USP10: variants seen among roughly 807,000 people sequenced by gnomAD.
The protein encoded by USP10 is ubiquitin carboxyl-terminal hydrolase 10.
In USP10, 22 loss-of-function variants were observed where a neutral mutation model predicts 84.5. The observed-to-expected ratio is 0.26, with a 90% CI of 0.19 to 0.37. The LOEUF is 0.37. USP10 is among the 10% of genes least tolerant of loss of function. The pLI is 1.00. For missense variants in USP10, 1,019 were observed against 998.9 expected (o/e 1.02, Z -0.27); for synonymous variants, 454 against 387.6 (o/e 1.17, Z -2.01).
intron 4 of USP10, among the ~76,000 whole-genome samples, chr16:84,753,690 C>A (rs1021424834): frequency 6.6e-6 from 1 of 152,208 alleles, no homozygotes; most frequent in African/African-American, 2.4e-5. Context: ...ACTTTCTGGA[C>A]CAGGAGCTAA....
At chr16:84,746,273 G>C (rs866805757) in intron 4 of USP10, among the ~76,000 whole-genome samples, 30 of 152,226 alleles carry the variant, frequency 2.0e-4, no homozygotes, top group African/African-American at 6.8e-4. Context: ...ATAATTCACA[G>C]ATTGTTTTTA....
At chr16:84,726,367 G>A (rs1244114859) in intron 1 of USP10, among the ~76,000 whole-genome samples, 4 of 152,224 alleles carry the variant, frequency 2.6e-5, no homozygotes, top group Admixed American at 6.5e-5. Context: ...TGAGATGGAG[G>A]AATGTGTCTT....
At chr16:84,746,986 A>T (rs953168815) in intron 4 of USP10, among the ~76,000 whole-genome samples, 22 of 152,236 alleles carry the variant, frequency 1.4e-4, no homozygotes, top group African/African-American at 5.1e-4. Flanking sequence ...TTAAAAAGTA[A>T]GACACAAACA....
intron 1 of USP10, among the ~76,000 whole-genome samples, chr16:84,705,063 C>T (rs565109557): frequency 7.9e-5 from 12 of 152,290 alleles, no homozygotes; most frequent in African/African-American, 2.4e-4. Flanking sequence ...ACAGCCTTAT[C>T]GGTTGTCATT....
At position 84,709,916 on chromosome 16, in the gene USP10, A is replaced by G. The variant is rs547915806; in HGVS notation, c.21+9805A>G. Among the ~76,000 whole-genome samples the G allele has an allele frequency of 2.5e-4, 38 of 152,176 alleles. 1 individual carries two copies. The South Asian group carries it at 7.7e-3, about 31-fold the overall frequency. Reference sequence around the variant, plus strand: ...TTAGCCGGGAGTCTGGAGAGGAGAGAGAAAGAATTTGGTAATCCAAGCTCA... The same window carrying G: ...TTAGCCGGGAGTCTGGAGAGGAGAGGGAAAGAATTTGGTAATCCAAGCTCA... On this transcript the variant is annotated intron_variant, in intron 1 of 13. Transcript: ENST00000219473.
chr16:84,727,327 A>G (rs531248807), intron 1 of USP10, among the ~76,000 whole-genome samples: 6 of 152,180 alleles, frequency 3.9e-5, no homozygotes, highest in Non-Finnish European at 5.9e-5. Context: ...AACACCTACA[A>G]TTTTCCCCCC....
intron 1 of USP10, among the ~76,000 whole-genome samples, chr16:84,722,255 A>G (rs1382692804): frequency 1.3e-5 from 2 of 152,296 alleles, no homozygotes; most frequent in East Asian, 3.9e-4. Flanking sequence ...AGATTTAGCC[A>G]TGTTGAGTGT....
intron 1 of USP10, among the ~76,000 whole-genome samples, chr16:84,721,648 C>A (rs1468407408): frequency 6.6e-6 from 1 of 152,040 alleles, no homozygotes; most frequent in African/African-American, 2.4e-5. Context: ...CTGCCTCAGC[C>A]CTCCCAAGTA....
intron 1 of USP10, among the ~76,000 whole-genome samples, chr16:84,711,599 C>T (rs1023983105): frequency 1.3e-5 from 2 of 152,042 alleles, no homozygotes; most frequent in Admixed American, 6.6e-5. Flanking sequence ...ACGCTTGGTT[C>T]TCTGTTGCTT....
At chr16:84,710,839 G>C (rs1024905363) in intron 1 of USP10, among the ~76,000 whole-genome samples, 9 of 152,178 alleles carry the variant, frequency 5.9e-5, no homozygotes, top group Non-Finnish European at 1.2e-4. Context: ...GGCCGTCTGA[G>C]CCAGGCTCAG....
At chr16:84,722,258 T>G (rs554231983) in intron 1 of USP10, among the ~76,000 whole-genome samples, 1 of 152,228 alleles carries the variant, frequency 6.6e-6, no homozygotes, top group South Asian at 2.1e-4. Flanking sequence ...TTTAGCCATG[T>G]TGAGTGTTGA....
In USP10 at chr16:84,745,687, G is replaced by T. The variant is rs368677913; in HGVS notation, c.1192+14G>T. The T allele has an allele frequency of 6.0e-5, 95 of 1,595,666 alleles. No homozygotes were observed. Among genetic ancestry groups the T allele is most frequent in the Non-Finnish European group, 7.6e-5 (89 of 1,170,390 alleles). On this transcript the variant is annotated intron_variant, in intron 4 of 13. Coordinates refer to ENST00000219473, the MANE Select transcript of USP10 (RefSeq NM_005153.3). ...TAAAGATTGCAGGTATAGTTGAAAA[G>T]ATACAAATCTAGAGTGAAGATGGGA...
chr16:84,730,401 T>C (rs1489042586), intron 1 of USP10, among the ~76,000 whole-genome samples: 1 of 152,232 alleles, frequency 6.6e-6, no homozygotes, highest in Non-Finnish European at 1.5e-5. Context: ...TGATTGAAGG[T>C]ACATATCTGT....
rs150090285 is a variant in USP10, at chr16:84,775,235, T to G, written c.2209+10T>G. ...TATCGGCTCTTTGCAGGTGAGTAAA[T>G]TTGTACGACATTACTTCTTCATTAA... is the stretch of plus-strand genomic sequence containing the variant. On this transcript the variant is annotated intron_variant, in intron 13 of 13. Transcript: ENST00000219473. 2.5e-6 allele frequency: 4 copies of G among 1,612,424 alleles called. No homozygotes were observed. The highest frequency in any genetic ancestry group is 3.4e-6 in the Non-Finnish European group (4 of 1,178,492).
At position 84,740,324 on chromosome 16, in the gene USP10, G is replaced by A; in HGVS notation, c.106G>A (p.Gly36Arg). 1 of 1,612,310 alleles carries A rather than the reference G, an allele frequency of 6.2e-7. No individual in the cohort carries two copies. The change falls in exon 3 of 14, where the codon GGA becomes AGA. Residue 36 changes from glycine (G) to arginine (R), a missense_variant. By Grantham distance (125) the Gly-to-Arg change is moderately radical (BLOSUM62 -2). Around this residue, in one of 2 missense-constraint regions of USP10, gnomAD observed 787 missense variants for 708.8 expected, o/e 1.11. Coordinates refer to ENST00000219473, the MANE Select transcript of USP10 (RefSeq NM_005153.3). ...CCTTGTGCAGCTTCCTCCATACAGT[G>A]GAACAGTTCTGTGTGGCACACAGGC... ...RSSVELPPYS[G>R]TVLCGTQAVD...
At chr16:84,719,030 G>C (rs1007408573) in intron 1 of USP10, among the ~76,000 whole-genome samples, 1 of 151,988 alleles carries the variant, frequency 6.6e-6, no homozygotes, top group Non-Finnish European at 1.5e-5. Flanking sequence ...GACCTCAAAT[G>C]ATCCACCCGT....
intron 12 of USP10, among the ~76,000 whole-genome samples, chr16:84,773,428 C>T (rs1914656093): frequency 6.6e-6 from 1 of 152,138 alleles, no homozygotes; most frequent in African/African-American, 2.4e-5. Flanking sequence ...CGTCCCCTGG[C>T]ACAGCAACCC....
intron 9 of USP10, 99 bp from the exon 10 acceptor site, chr16:84,763,985 CCT>C: frequency 3.5e-6 from 5 of 1,413,876 alleles, no homozygotes; most frequent in Middle Eastern, 1.8e-4. Flanking sequence ...TAGACCACAC[CCT>C]GATTTCATTT....
intron 4 of USP10, among the ~76,000 whole-genome samples, chr16:84,755,374 A>G (rs1361201504): frequency 6.6e-6 from 1 of 150,402 alleles, no homozygotes; most frequent in Non-Finnish European, 1.5e-5. Context: ...AGCTCCTTGC[A>G]CCCATGATCC....
Sources: gnomAD v4.1 joint callset for allele counts (sites outside exome capture counted in the v4.1 genomes callset) on GRCh38, gnomAD v4.1.1 for gene constraint, gnomAD v4.1.1 regional missense constraint, MANE v1.5 for transcripts, NCBI Gene and HGNC (gene_info 2026-07-23, HGNC 2026-07-21) for gene names.